The following SMIM41 variants were observed in gnomAD, a reference collection of about 807,000 sequenced individuals.
SMIM41 encodes the protein small integral membrane protein 41.
intron 2 of SMIM41, among the ~76,000 whole-genome samples, chr12:52,095,927 A>T (rs1447039757): frequency 2.6e-5 from 4 of 151,802 alleles, no homozygotes; most frequent in Non-Finnish European, 1.5e-5. Flanking sequence ...ACTTTCTGTG[A>T]TATTGGGAGT....
At chr12:52,096,728 A>G (rs1294058855) in intron 2 of SMIM41, among the ~76,000 whole-genome samples, 1 of 151,678 alleles carries the variant, frequency 6.6e-6, no homozygotes, top group Non-Finnish European at 1.5e-5. Context: ...ATCGGTAGTG[A>G]TTTTAAAAAT....
At chr12:52,104,491 C>T (rs1327471089) in intron 2 of SMIM41, among the ~76,000 whole-genome samples, 6,278 of 144,972 alleles carry the variant, frequency 0.043, no homozygotes, top group African/African-American at 0.12. Context: ...GACTTGTTCT[C>T]CGTGGTCATG....
intron 2 of SMIM41, among the ~76,000 whole-genome samples, chr12:52,103,187 C>T (rs142258107): frequency 5.3e-5 from 8 of 151,622 alleles, no homozygotes; most frequent in African/African-American, 9.7e-5. Context: ...ATTAGACGAG[C>T]GTGGTGGCGT....
intron 2 of SMIM41, among the ~76,000 whole-genome samples, chr12:52,100,053 ACC>A (rs1940185866): frequency 6.6e-6 from 1 of 151,966 alleles, no homozygotes; most frequent in South Asian, 2.1e-4. Context: ...GGGTGTACAC[ACC>A]CTGTGATATT....
At chr12:52,091,981 C>T (rs905016409) in intron 2 of SMIM41, 2 of 152,232 alleles carry the variant, frequency 1.3e-5, no homozygotes, top group African/African-American at 4.8e-5. Context: ...GCTGTCAATT[C>T]TTTAAATACC....
rs538382516 is a variant in SMIM41, at chr12:52,105,491, G to A, written c.*196-1888G>A. On this transcript the variant is annotated intron_variant, in intron 2 of 2. Coordinates refer to ENST00000546390, the MANE Select transcript of SMIM41 (RefSeq NM_001369216.1). ...TTTGAAGCTGGGCGCGGTGGCTCAC[G>A]CCTGTAATCCCAGCACTTTGGGAGG... 2.5e-3 allele frequency among the ~76,000 whole-genome samples: 386 copies of A among 152,292 alleles called. 4 individuals are homozygous for A. The highest frequency in any genetic ancestry group is 3.9e-3 in the South Asian group (19 of 4,828).
At chr12:52,098,137 G>A (rs540038638) in intron 2 of SMIM41, among the ~76,000 whole-genome samples, 7 of 152,216 alleles carry the variant, frequency 4.6e-5, no homozygotes, top group Non-Finnish European at 8.8e-5. Flanking sequence ...AATGTCACGG[G>A]GGATGTACAA....
intron 2 of SMIM41, among the ~76,000 whole-genome samples, chr12:52,099,076 G>C (rs1940164024): frequency 6.6e-6 from 1 of 151,350 alleles, no homozygotes; most frequent in African/African-American, 2.4e-5. Context: ...ATTGGGAGTA[G>C]TATCCTCTCT....
rs1170078490 is a variant in SMIM41 at position 52,101,318 on chromosome 12, G to A, written c.*196-6061G>A. On this transcript the variant is annotated intron_variant, in intron 2 of 2. Coordinates refer to ENST00000546390, the MANE Select transcript of SMIM41 (RefSeq NM_001369216.1). ...CGTGTGCCTGTAGTCTCAGCTACTC[G>A]GAAGGCTGAGGCCCAAGAAGCACTT... Among the ~76,000 whole-genome samples the A allele has an allele frequency of 4.6e-5, 7 of 152,252 alleles. No individual in the cohort carries two copies. In the East Asian group the frequency reaches 7.7e-4, roughly 17 times the overall value.
intron 2 of SMIM41, chr12:52,094,929 C>T (rs1328703160): frequency 6.6e-6 from 1 of 152,570 alleles, no homozygotes; most frequent in Non-Finnish European, 1.5e-5. Flanking sequence ...ACTGCCCACC[C>T]CTACACCCCT....
At chr12:52,102,777 G>T (rs1228906584) in intron 2 of SMIM41, among the ~76,000 whole-genome samples, 1 of 152,138 alleles carries the variant, frequency 6.6e-6, no homozygotes, top group Non-Finnish European at 1.5e-5. Context: ...AACCATGAAG[G>T]AACAGGGAAA....
intron 2 of SMIM41, among the ~76,000 whole-genome samples, chr12:52,085,052 C>T (rs1347602915): frequency 1.3e-5 from 2 of 152,072 alleles, no homozygotes; most frequent in African/African-American, 4.8e-5. Flanking sequence ...GGTGGTGCCA[C>T]CCACTGAGAG....
chr12:52,102,712 A>G (rs577265610), intron 2 of SMIM41, among the ~76,000 whole-genome samples: 1 of 152,364 alleles, frequency 6.6e-6, no homozygotes, highest in Non-Finnish European at 1.5e-5. Context: ...ATAAACAAGC[A>G]TTGGTGAAAC....
Position 52,079,928 on chromosome 12 carries a change from G to A in SMIM41, c.149G>A (p.Gly50Glu). The change falls in exon 1 of 3, where the codon GGG (glycine) becomes GAG (glutamate). Residue 50 changes from glycine (G) to glutamate (E), a missense_variant. Transcript: ENST00000546390. ...GTGCTGTCCCTGCTGGTGCTTTGCG[G>A]GGTCCTGTTCCTGGGCGGCGGCCTC... ...LGVLSLLVLC[G>E]VLFLGGGLLL... 1 of 387,802 alleles carries A rather than the reference G, an allele frequency of 2.6e-6. No homozygotes were observed. Among genetic ancestry groups the A allele is most frequent in the East Asian group, 3.7e-5 (1 of 26,940 alleles). The allele number at this position is 387,802 out of a possible 1,614,324, so 24.0% of individuals were successfully genotyped here.
At chr12:52,102,704 A>G (rs1940242007) in intron 2 of SMIM41, among the ~76,000 whole-genome samples, 1 of 152,246 alleles carries the variant, frequency 6.6e-6, no homozygotes, top group Non-Finnish European at 1.5e-5. Context: ...TGGATATGAT[A>G]AACAAGCATT....
chr12:52,079,732 C>G lies in SMIM41; in HGVS notation c.-48C>G, dbSNP rs1218958987. The G allele has an allele frequency of 1.0e-5, 4 of 392,096 alleles. No individual in the cohort carries two copies. The highest frequency in any genetic ancestry group is 1.8e-5 in the Non-Finnish European group (4 of 221,762). The allele number at this position is 392,096 out of a possible 1,614,324, so 24.3% of individuals were successfully genotyped here. ...GCCGGCCCGCCCGCCAGTCTGGGCTCCTGCACATCTGGCGATCCCGCCACA... is the reference window on the plus strand; with the variant it reads ...GCCGGCCCGCCCGCCAGTCTGGGCTGCTGCACATCTGGCGATCCCGCCACA... On this transcript the variant is annotated 5_prime_UTR_variant, in exon 1 of 3. Coordinates refer to ENST00000546390, the MANE Select transcript of SMIM41 (RefSeq NM_001369216.1).
intron 2 of SMIM41, among the ~76,000 whole-genome samples, chr12:52,101,467 A>G (rs969044953): frequency 6.6e-6 from 1 of 152,186 alleles, no homozygotes; most frequent in Non-Finnish European, 1.5e-5. Context: ...GGAGAGTATA[A>G]AGGGGGTTAG....
rs1482041981 is a variant in SMIM41, at chr12:52,085,927, T to C, written c.*195+1959T>C. Among the ~76,000 whole-genome samples, 3 of 152,086 alleles carry C rather than the reference T, an allele frequency of 2.0e-5. No individual in the cohort carries two copies. In the East Asian group the frequency reaches 5.8e-4, roughly 29 times the overall value. On this transcript the variant is annotated intron_variant, in intron 2 of 2. Transcript: ENST00000546390. Reference sequence around the variant, plus strand: ...ATGAGCTCAGCTGTGGCTCCTTGAGTTGGAGGCAAGCTGTCAGGTGGACAA... The same window carrying C: ...ATGAGCTCAGCTGTGGCTCCTTGAGCTGGAGGCAAGCTGTCAGGTGGACAA...
chr12:52,100,001 C>T (rs1271773979), intron 2 of SMIM41, among the ~76,000 whole-genome samples: 3 of 151,928 alleles, frequency 2.0e-5, no homozygotes, highest in Non-Finnish European at 2.9e-5. Flanking sequence ...GGAGTAATGA[C>T]ATCCTCCCCA....
Sources: gnomAD v4.1 joint callset for allele counts (sites outside exome capture counted in the v4.1 genomes callset) on GRCh38, gnomAD v4.1.1 for gene constraint, MANE v1.5 for transcripts, NCBI Gene and HGNC (gene_info 2026-07-23, HGNC 2026-07-21) for gene names.